The following EEFSEC variants were observed in gnomAD, a reference collection of about 807,000 sequenced individuals.
EEFSEC encodes selenocysteine-specific elongation factor.
A neutral mutation model predicts 42.1 loss-of-function variants in EEFSEC; 43 were observed. That is an observed-to-expected ratio of 1.02 (90% CI 0.80 to 1.32). The LOEUF is 1.32. Among genes scored for constraint, EEFSEC ranks in the 40% most tolerant of loss-of-function variants. The pLI is 0.00. For missense variants in EEFSEC, 745 were observed against 803.6 expected (o/e 0.93, Z 0.88); for synonymous variants, 354 against 339.1 (o/e 1.04, Z -0.48).
At chr3:128,251,615 TA>T (rs1444653138) in intron 2 of EEFSEC, among the ~76,000 whole-genome samples, 1 of 152,240 alleles carries the variant, frequency 6.6e-6, no homozygotes, top group African/African-American at 2.4e-5. Flanking sequence ...TATGCCCATG[TA>T]AAAATTTTGT....
intron 4 of EEFSEC, among the ~76,000 whole-genome samples, chr3:128,328,509 G>A (rs2067090200): frequency 6.6e-6 from 1 of 152,216 alleles, no homozygotes; most frequent in Non-Finnish European, 1.5e-5. Context: ...CCAGCAAGTT[G>A]TAAGGATAAC....
At chr3:128,393,441 C>G (rs546131791) in intron 6 of EEFSEC, among the ~76,000 whole-genome samples, 1 of 152,336 alleles carries the variant, frequency 6.6e-6, no homozygotes, top group East Asian at 1.9e-4. Flanking sequence ...GGTGTTGGCT[C>G]TGTCCCCAAG....
intron 6 of EEFSEC, chr3:128,367,644 G>A (rs2067606015): frequency 3.0e-6 from 3 of 985,404 alleles, no homozygotes; most frequent in African/African-American, 1.7e-5. Context: ...TTAGGCTGCC[G>A]ATTATGGACT....
chr3:128,348,407 C>G (rs1452888326), intron 5 of EEFSEC, among the ~76,000 whole-genome samples: 1 of 151,998 alleles, frequency 6.6e-6, no homozygotes, highest in African/African-American at 2.4e-5. Flanking sequence ...AAATTTTTCT[C>G]TTTTTCAGTG....
At chr3:128,165,860 C>T (rs180857826) in intron 1 of EEFSEC, among the ~76,000 whole-genome samples, 9 of 152,334 alleles carry the variant, frequency 5.9e-5, no homozygotes, top group Admixed American at 5.9e-4. Context: ...TCCAGAGGGT[C>T]AGTGGCTTGT....
intron 4 of EEFSEC, among the ~76,000 whole-genome samples, chr3:128,324,704 A>G (rs960991164): frequency 6.6e-6 from 1 of 152,228 alleles, no homozygotes; most frequent in Non-Finnish European, 1.5e-5. Context: ...TTGTAGGCCT[A>G]GGGCTTTGCA....
intron 1 of EEFSEC, among the ~76,000 whole-genome samples, chr3:128,158,823 A>C (rs1005153684): frequency 6.6e-6 from 1 of 152,246 alleles, no homozygotes; most frequent in Non-Finnish European, 1.5e-5. Flanking sequence ...TTTGTAGAGA[A>C]GCTCTTCATA....
chr3:128,420,091 CAA>C, the EEFSEC span, among the ~76,000 whole-genome samples: 21 of 152,128 alleles, frequency 1.4e-4, no homozygotes, highest in South Asian at 8.3e-4. Context: ...GGGACAGACA[CAA>C]AGAGAGACAG....
At chr3:128,167,009 G>A (rs990617490) in intron 1 of EEFSEC, among the ~76,000 whole-genome samples, 3 of 152,122 alleles carry the variant, frequency 2.0e-5, no homozygotes, top group African/African-American at 7.2e-5. Context: ...CTAAGTCTTA[G>A]CTGGCTGACG....
At chr3:128,304,979 C>T (rs1375463035) in intron 4 of EEFSEC, among the ~76,000 whole-genome samples, 3 of 152,214 alleles carry the variant, frequency 2.0e-5, no homozygotes, top group Admixed American at 1.3e-4. Context: ...GCTGGAATTG[C>T]AGGCATGAGC....
intron 4 of EEFSEC, among the ~76,000 whole-genome samples, chr3:128,293,645 A>T (rs2066668240): frequency 7.6e-6 from 1 of 132,330 alleles, no homozygotes; most frequent in African/African-American, 2.9e-5. Context: ...TGGGCGACAA[A>T]GCAAGACTCT....
intron 6 of EEFSEC, among the ~76,000 whole-genome samples, chr3:128,371,918 T>A (rs1054497338): frequency 1.3e-5 from 2 of 152,154 alleles, no homozygotes; most frequent in African/African-American, 2.4e-5. Context: ...CCCTGAGCTC[T>A]GGGCCCAGTG....
chr3:128,388,637 T>C (rs1359304680), intron 6 of EEFSEC, among the ~76,000 whole-genome samples: 1 of 152,242 alleles, frequency 6.6e-6, no homozygotes, highest in Non-Finnish European at 1.5e-5. Context: ...GTAAGGCCCA[T>C]TCCCTGGTGT....
chr3:128,298,599 GTTC>G (rs761453860), intron 4 of EEFSEC, among the ~76,000 whole-genome samples: 3 of 152,194 alleles, frequency 2.0e-5, no homozygotes, highest in African/African-American at 4.8e-5. Context: ...GAGCATTCCA[GTTC>G]TTCTAGCTAC....
intron 1 of EEFSEC, among the ~76,000 whole-genome samples, chr3:128,183,355 G>A (rs1397165380): frequency 6.6e-6 from 1 of 152,180 alleles, no homozygotes; most frequent in Admixed American, 6.5e-5. Context: ...ACCCCAACCT[G>A]TTGGGCTCCC....
chr3:128,207,598 CACA>C (rs2065712115), intron 1 of EEFSEC, among the ~76,000 whole-genome samples: 2 of 151,154 alleles, frequency 1.3e-5, no homozygotes, highest in South Asian at 4.2e-4. Flanking sequence ...CACACACACA[CACA>C]CACGCTTAAC....
In EEFSEC at chr3:128,341,390, C is replaced by A. The variant is rs1366152637; in HGVS notation, c.944C>A (p.Ala315Asp). The A allele has an allele frequency of 6.2e-7, 1 of 1,614,164 alleles. No individual in the cohort carries two copies. The highest frequency in any genetic ancestry group is 1.7e-5 in the Admixed American group (1 of 60,022). Residue 315 changes from alanine to aspartate, a missense_variant, in exon 5 of 7, where the codon GCC becomes GAC. Transcript: ENST00000254730. ...GAGTCCCTGCACACTGTCCATGCGG[C>A]CCTCATCTCTGTGGAAAAGATACCG... Reference protein sequence around the residue: ...APESLHTVHAALISVEKIPYF... With the variant: ...APESLHTVHADLISVEKIPYF...
At chr3:128,275,525 T>TG (rs1334525302) in intron 4 of EEFSEC, among the ~76,000 whole-genome samples, 1 of 152,136 alleles carries the variant, frequency 6.6e-6, no homozygotes, top group Admixed American at 6.5e-5. Context: ...AAGCTGGCCC[T>TG]GGGGGAGCCC....
intron 6 of EEFSEC, among the ~76,000 whole-genome samples, chr3:128,401,442 G>T (rs1437314063): frequency 6.6e-6 from 1 of 152,224 alleles, no homozygotes; most frequent in Non-Finnish European, 1.5e-5. Flanking sequence ...GGCATATAAG[G>T]CAATGACAGC....
Sources: allele counts gnomAD v4.1 joint callset (sites outside exome capture counted in the v4.1 genomes callset), GRCh38; gene constraint gnomAD v4.1.1; transcripts MANE v1.5; gene names NCBI Gene and HGNC (gene_info 2026-07-23, HGNC 2026-07-21).